ADAMTS17: variants seen among roughly 807,000 people sequenced by gnomAD.
ADAMTS17 encodes ADAM metallopeptidase with thrombospondin type 1 motif 17.
ADAMTS17 carries 113 observed loss-of-function variants against 141.5 expected under a neutral mutation model. The observed-to-expected ratio is 0.80, with a 90% CI of 0.69 to 0.93. The LOEUF (loss-of-function observed/expected upper bound fraction) is 0.93, where lower values mean the gene tolerates loss of function less well. ADAMTS17 is among the 40% of genes least tolerant of loss of function. The probability of loss-of-function intolerance (pLI) is 0.00; values close to 1 mark genes in which losing one functional copy is unlikely to be tolerated. For synonymous variants in ADAMTS17, 768 were observed against 630.6 expected (o/e 1.22, Z -3.27); for missense variants, 1,659 against 1,517.9 (o/e 1.09, Z -1.54).
At chr15:100,043,751 T>C (rs1465874705) in intron 18 of ADAMTS17, among the ~76,000 whole-genome samples, 1 of 152,274 alleles carries the variant, frequency 6.6e-6, no homozygotes, top group Non-Finnish European at 1.5e-5. Flanking sequence ...CAGATGAAGT[T>C]TGCTGACCCC....
At chr15:100,187,076 A>G (rs2040744695) in intron 8 of ADAMTS17, among the ~76,000 whole-genome samples, 1 of 152,150 alleles carries the variant, frequency 6.6e-6, no homozygotes, top group African/African-American at 2.4e-5. Context: ...TGAAGCAACT[A>G]TTGACCTCTC....
intron 18 of ADAMTS17, among the ~76,000 whole-genome samples, chr15:100,025,634 G>A (rs543898339): frequency 5.9e-5 from 9 of 151,862 alleles, no homozygotes; most frequent in East Asian, 1.9e-4. Context: ...GGCTGGTCTC[G>A]AACTCCTGAC....
intron 15 of ADAMTS17, among the ~76,000 whole-genome samples, chr15:100,067,705 G>A (rs2033641831): frequency 6.6e-6 from 1 of 151,828 alleles, no homozygotes; most frequent in Non-Finnish European, 1.5e-5. Flanking sequence ...TCAATCCCTT[G>A]GATTGTTTCC....
intron 4 of ADAMTS17, among the ~76,000 whole-genome samples, chr15:100,270,109 A>T (rs1340680295): frequency 4.1e-5 from 5 of 120,782 alleles, no homozygotes; most frequent in Non-Finnish European, 7.8e-5. Context: ...CTCTGACTGC[A>T]GCCATTTCTT....
At chr15:100,234,100 G>A (rs1327234743) in intron 7 of ADAMTS17, among the ~76,000 whole-genome samples, 1 of 152,208 alleles carries the variant, frequency 6.6e-6, no homozygotes, top group Non-Finnish European at 1.5e-5. Flanking sequence ...GGCAAGGGCA[G>A]CACAGGCCTG....
chr15:100,297,255 G>T lies in ADAMTS17; in HGVS notation c.617-15854C>A, dbSNP rs922162218. 4.1e-4 allele frequency among the ~76,000 whole-genome samples: 62 copies of T among 152,274 alleles called. 1 individual carries two copies. Among genetic ancestry groups the T allele is most frequent in the African/African-American group, 1.5e-3 (62 of 41,546 alleles). On this transcript the variant is annotated intron_variant, in intron 3 of 21. Coordinates refer to ENST00000268070, the MANE Select transcript of ADAMTS17 (RefSeq NM_139057.4). Reference sequence around the variant, plus strand: ...AAGAGAGAACGTAGGCACCAAGGAGGCCGGAGCAATGGGCAGGGCAAACAG... The same window carrying T: ...AAGAGAGAACGTAGGCACCAAGGAGTCCGGAGCAATGGGCAGGGCAAACAG...
intron 3 of ADAMTS17, among the ~76,000 whole-genome samples, chr15:100,286,658 C>T (rs1296486427): frequency 6.6e-6 from 1 of 151,942 alleles, no homozygotes; most frequent in Non-Finnish European, 1.5e-5. Flanking sequence ...TCAAAAAAAA[C>T]CCATCCAAAG....
chr15:100,197,498 C>A (rs1475531635), intron 8 of ADAMTS17, among the ~76,000 whole-genome samples: 1 of 152,084 alleles, frequency 6.6e-6, no homozygotes. Flanking sequence ...CTCTTGGATA[C>A]AGGATTTTAA....
chr15:100,124,951 T>A (rs553149005), intron 12 of ADAMTS17, among the ~76,000 whole-genome samples: 1 of 152,250 alleles, frequency 6.6e-6, no homozygotes, highest in East Asian at 1.9e-4. Flanking sequence ...CCCCTTTCTT[T>A]GAGAGTGGAT....
chr15:100,107,366 C>G (rs1022466240), intron 14 of ADAMTS17, among the ~76,000 whole-genome samples: 1 of 152,130 alleles, frequency 6.6e-6, no homozygotes, highest in African/African-American at 2.4e-5. Flanking sequence ...GCATGGTGAT[C>G]CTGACACTGA....
At position 100,212,271 on chromosome 15, in the gene ADAMTS17, G is replaced by A. The variant is rs1346910324; in HGVS notation, c.1076-12848C>T. Among the ~76,000 whole-genome samples, 4 of 152,264 alleles carry A rather than the reference G, an allele frequency of 2.6e-5. No homozygotes were observed. In the East Asian group the frequency reaches 5.8e-4, roughly 22 times the overall value. ...CAGATCCCCTGTAACCGCAGCAAAG[G>A]TAGAGAGGACTCTGCCCCCAGGGAA... On this transcript the variant is annotated intron_variant, in intron 7 of 21. Coordinates refer to ENST00000268070, the MANE Select transcript of ADAMTS17 (RefSeq NM_139057.4).
chr15:100,094,276 G>A (rs775226085), intron 15 of ADAMTS17, among the ~76,000 whole-genome samples: 43 of 152,386 alleles, frequency 2.8e-4, no homozygotes, highest in Non-Finnish European at 5.4e-4. Flanking sequence ...GCTACCCAAG[G>A]AGGCTTCCAG....
intron 10 of ADAMTS17, among the ~76,000 whole-genome samples, chr15:100,140,488 C>CATAGATATATATATATATATATAT (rs1386955753): frequency 8.0e-6 from 1 of 124,936 alleles, no homozygotes. Flanking sequence ...CACATACATA[C>CATAGATATATATATATATATATAT]ATATATATAT....
chr15:100,058,744 G>A (rs28528382), intron 15 of ADAMTS17, among the ~76,000 whole-genome samples: 26,248 of 152,164 alleles, frequency 0.17, 3,187 homozygotes, highest in African/African-American at 0.34. Context: ...CTGATCACCG[G>A]AGCGGGGTCT....
chr15:100,026,965 T>C (rs2061526276), intron 18 of ADAMTS17, among the ~76,000 whole-genome samples: 1 of 152,220 alleles, frequency 6.6e-6, no homozygotes, highest in South Asian at 2.1e-4. Flanking sequence ...CATACTATCA[T>C]CTGTCTTTTC....
At chr15:99,975,062 A>C (rs1027435339) in intron 21 of ADAMTS17, among the ~76,000 whole-genome samples, 5 of 152,196 alleles carry the variant, frequency 3.3e-5, no homozygotes, top group African/African-American at 4.8e-5. Context: ...GAAAAGACAC[A>C]ACTATACTTC....
chr15:100,220,520 A>G (rs1177205443), intron 7 of ADAMTS17, among the ~76,000 whole-genome samples: 1 of 152,226 alleles, frequency 6.6e-6, no homozygotes, highest in Non-Finnish European at 1.5e-5. Flanking sequence ...GTATTAGGAT[A>G]TAATTCACAC....
At chr15:99,992,682 G>A (rs2060714078) in intron 20 of ADAMTS17, among the ~76,000 whole-genome samples, 1 of 152,146 alleles carries the variant, frequency 6.6e-6, no homozygotes, top group Admixed American at 6.5e-5. Context: ...TGGAAGTGAT[G>A]TTTGCCCCAA....
intron 18 of ADAMTS17, among the ~76,000 whole-genome samples, chr15:100,027,552 C>T (rs1452039462): frequency 1.3e-5 from 2 of 152,244 alleles, no homozygotes; most frequent in Non-Finnish European, 1.5e-5. Context: ...TATTAGAATA[C>T]AGCCCTGTCT....
Sources: allele counts gnomAD v4.1 joint callset (sites outside exome capture counted in the v4.1 genomes callset), GRCh38; gene constraint gnomAD v4.1.1; transcripts MANE v1.5; gene names NCBI Gene and HGNC (gene_info 2026-07-23, HGNC 2026-07-21).